The following UIMC1 variants were observed in gnomAD, a reference collection of about 807,000 sequenced individuals.
UIMC1 encodes the protein ubiquitin interaction motif containing 1, also known as BRCA1-A complex subunit RAP80.
A neutral mutation model predicts 84.9 loss-of-function variants in UIMC1; 42 were observed. The ratio of observed to expected loss-of-function variants is 0.49; its 90% CI spans 0.39 to 0.64. UIMC1 has a LOEUF of 0.64. UIMC1 is among the 30% of genes least tolerant of loss of function. The pLI, the probability that UIMC1 is intolerant of heterozygous loss-of-function variation, is 0.00. For missense variants in UIMC1, 825 were observed against 847.6 expected, an observed-to-expected ratio of 0.97 and a Z score of 0.33; for synonymous variants, 281 against 293.0, an observed-to-expected ratio of 0.96 and a Z score of 0.42.
chr5:176,951,330 T>C (rs889425520), intron 9 of UIMC1, 144 bp downstream of exon 9: 1 of 554,298 alleles, frequency 1.8e-6, no homozygotes, highest in Non-Finnish European at 3.2e-6. Context: ...ATCTTAACTA[T>C]AAAAATCTCT....
intron 7 of UIMC1, among the ~76,000 whole-genome samples, chr5:176,956,999 A>C (rs1419665423): frequency 6.6e-6 from 1 of 152,192 alleles, no homozygotes; most frequent in Non-Finnish European, 1.5e-5. Flanking sequence ...AAATGGGCTA[A>C]TCAATTTGAA....
chr5:176,962,050 G>A (rs1472818196), intron 6 of UIMC1, among the ~76,000 whole-genome samples: 78 of 21,158 alleles, frequency 3.7e-3, no homozygotes, highest in East Asian at 7.4e-3. Context: ...GGGCGCCTCT[G>A]CCCGGCCGCC....
At chr5:176,908,447 C>T in intron 12 of UIMC1, 76 bp downstream of exon 12, 2 of 1,423,162 alleles carry the variant, frequency 1.4e-6, no homozygotes, top group Non-Finnish European at 9.3e-7. Flanking sequence ...AGGGAAAAGC[C>T]AGAACAGAAC....
upstream of UIMC1, among the ~76,000 whole-genome samples, chr5:177,010,988 T>C (rs1775536906): frequency 6.6e-6 from 1 of 151,924 alleles, no homozygotes; most frequent in Non-Finnish European, 1.5e-5. Flanking sequence ...AGCTCAGGAG[T>C]TCGAGACCAG....
chr5:176,906,087 G>T, intron 13 of UIMC1, 40 bp from the exon 14 acceptor site: 1 of 1,596,156 alleles, frequency 6.3e-7, no homozygotes. Context: ...TGGTAGTAGT[G>T]TTGGTAATCA....
At chr5:176,925,976 T>C (rs1762344197) in intron 10 of UIMC1, among the ~76,000 whole-genome samples, 1 of 152,092 alleles carries the variant, frequency 6.6e-6, no homozygotes, top group African/African-American at 2.4e-5. Context: ...ATCAAAAACA[T>C]AACATGGATT....
chr5:176,977,450 A>G (rs2149495083), intron 2 of UIMC1, among the ~76,000 whole-genome samples: 1 of 152,030 alleles, frequency 6.6e-6, no homozygotes, highest in South Asian at 2.1e-4. Context: ...TGGGCCATAA[A>G]ACAAGTCTCA....
At chr5:177,014,057 C>CT (rs34686520) in intron 1 of UIMC1, among the ~76,000 whole-genome samples, 10,416 of 122,072 alleles carry the variant, frequency 0.085, 566 homozygotes, top group African/African-American at 0.11. Flanking sequence ...TTTTTCTTTT[C>CT]TTTTTTTTTT....
chr5:177,003,014 A>T (rs1435011801), intron 1 of UIMC1, among the ~76,000 whole-genome samples: 1 of 152,090 alleles, frequency 6.6e-6, no homozygotes, highest in Non-Finnish European at 1.5e-5. Flanking sequence ...CAGGATACGC[A>T]CCTATAAATA....
chr5:176,917,349 A>G (rs1037292467), intron 10 of UIMC1, among the ~76,000 whole-genome samples: 1 of 152,170 alleles, frequency 6.6e-6, no homozygotes, highest in Non-Finnish European at 1.5e-5. Flanking sequence ...AGGCAGGCGG[A>G]TCACTTGGGG....
intron 10 of UIMC1, among the ~76,000 whole-genome samples, chr5:176,922,047 T>C (rs1469427130): frequency 6.6e-6 from 1 of 152,202 alleles, no homozygotes; most frequent in East Asian, 1.9e-4. Context: ...TGACCTAGAA[T>C]GACTCTATTC....
At chr5:176,926,744 A>T (rs1331292583) in intron 10 of UIMC1, among the ~76,000 whole-genome samples, 1 of 152,212 alleles carries the variant, frequency 6.6e-6, no homozygotes, top group Non-Finnish European at 1.5e-5. Context: ...AAAGGTCCAT[A>T]TATGTAAAAA....
chr5:176,908,004 T>C lies in UIMC1; in HGVS notation c.1848+519A>G, dbSNP rs527527069. ...ACCATCTGTGTGATATAAACATTAA[T>C]AGTAATTTTTAAAAATAAAACCCAA... On this transcript the variant is annotated intron_variant, in intron 12 of 14. Transcript: ENST00000511320. 5.3e-5 allele frequency among the ~76,000 whole-genome samples: 8 copies of C among 152,316 alleles called. No individual in the cohort carries two copies. The South Asian group carries it at 1.0e-3, about 20-fold the overall frequency.
chr5:177,002,790 T>C (rs191102655), intron 1 of UIMC1, among the ~76,000 whole-genome samples: 1,632 of 151,956 alleles, frequency 0.011, 9 homozygotes, highest in South Asian at 0.025. Context: ...AACGAGACTC[T>C]GTCTCAAAAA....
intron 6 of UIMC1, among the ~76,000 whole-genome samples, chr5:176,958,489 C>G (rs560857857): frequency 3.9e-5 from 6 of 152,308 alleles, no homozygotes; most frequent in African/African-American, 1.4e-4. Flanking sequence ...TCATAACATG[C>G]AAGACCTGTA....
chr5:176,994,102 T>A (rs1773261085), intron 1 of UIMC1, among the ~76,000 whole-genome samples: 1 of 151,898 alleles, frequency 6.6e-6, no homozygotes, highest in Admixed American at 6.6e-5. Context: ...TAAACATGCT[T>A]ATTAAACACA....
At position 176,911,359 on chromosome 5, in the gene UIMC1, G is replaced by A. The variant is rs966926894; in HGVS notation, c.1628C>T (p.Thr543Ile). The change falls in exon 11 of 15, where the codon ACC becomes ATC. Residue 543 changes from threonine (T) to isoleucine (I), a missense_variant. Coordinates refer to ENST00000511320, the MANE Select transcript of UIMC1 (RefSeq NM_001199298.2). ...GGCAGCTGTCCCACTGTCACTCTTGGTCTTGGCCTCTTTTTGTCTCCGAGT... is the reference window on the plus strand; with the variant it reads ...GGCAGCTGTCCCACTGTCACTCTTGATCTTGGCCTCTTTTTGTCTCCGAGT... ...VLTRRQKEAK[T>I]KSDSGTAAQT... 6.3e-7 allele frequency: 1 copy of A among 1,596,294 alleles called. No homozygotes were observed. Among genetic ancestry groups the A allele is most frequent in the Admixed American group, 1.7e-5 (1 of 59,238 alleles).
intron 2 of UIMC1, among the ~76,000 whole-genome samples, chr5:176,981,644 T>C (rs977773053): frequency 1.3e-5 from 2 of 151,306 alleles, no homozygotes; most frequent in African/African-American, 4.9e-5. Flanking sequence ...CAAAAAAAAA[T>C]ACAAAAATTA....
chr5:176,924,596 T>A (rs1237508008), intron 10 of UIMC1, among the ~76,000 whole-genome samples: 1 of 151,934 alleles, frequency 6.6e-6, no homozygotes, highest in Non-Finnish European at 1.5e-5. Context: ...GATATCTATA[T>A]AGAAGAAATA....
Sources: gnomAD v4.1 joint callset for allele counts (sites outside exome capture counted in the v4.1 genomes callset) on GRCh38, gnomAD v4.1.1 for gene constraint, MANE v1.5 for transcripts, NCBI Gene and HGNC (gene_info 2026-07-23, HGNC 2026-07-21) for gene names.